Variants in PDSS2 observed in about 807,000 individuals in gnomAD.
The protein encoded by PDSS2 is decaprenyl diphosphate synthase subunit 2.
In PDSS2, 31 loss-of-function variants were observed where a neutral mutation model predicts 44.5. That is an observed-to-expected ratio of 0.70 (90% CI 0.52 to 0.94). PDSS2 has a LOEUF of 0.94. PDSS2 is among the 40% of genes least tolerant of loss of function. The probability of loss-of-function intolerance (pLI) is 0.00; values close to 1 mark genes in which losing one functional copy is unlikely to be tolerated. For missense variants in PDSS2, 452 were observed against 482.2 expected (o/e 0.94, Z 0.59); for synonymous variants, 157 against 180.3 (o/e 0.87, Z 1.03).
chr6:107,158,169 G>A (rs377108462), intron 7 of PDSS2, among the ~76,000 whole-genome samples: 40 of 147,912 alleles, frequency 2.7e-4, no homozygotes, highest in Non-Finnish European at 3.4e-4. Context: ...GTAGAGATCA[G>A]AAGCCAGGTT....
rs1562555803 is a variant in PDSS2, at chr6:107,458,426, A to AAAAAAAAAAAAAC, written c.296+563_296+564insGTTTTTTTTTTTT. Among the ~76,000 whole-genome samples the AAAAAAAAAAAAAC allele has an allele frequency of 2.8e-4, 39 of 140,488 alleles. 2 individuals carry two copies. Among genetic ancestry groups the AAAAAAAAAAAAAC allele is most frequent in the Non-Finnish European group, 4.7e-4 (30 of 63,374 alleles). 92.2% of individuals were successfully genotyped at this position (140,488 alleles called of 152,430 possible). On this transcript the variant is annotated intron_variant, in intron 1 of 7. Transcript: ENST00000369037. Reference sequence around the variant, plus strand: ...AGACTCCGTCTCAAAAAAAAAAAAAAAAAAAACTTTTATAAATCCTAAAGG... The same window carrying AAAAAAAAAAAAAC: ...AGACTCCGTCTCAAAAAAAAAAAAAAAAAAAAAAAAAACAAAAAACTTTTATAAATCCTAAAGG...
intron 7 of PDSS2, among the ~76,000 whole-genome samples, chr6:107,181,069 T>G (rs1771958220): frequency 6.6e-6 from 1 of 151,964 alleles, no homozygotes; most frequent in African/African-American, 2.4e-5. Context: ...GGGCTCGAAC[T>G]CCTGACCTCA....
intron 1 of PDSS2, among the ~76,000 whole-genome samples, chr6:107,419,906 C>A (rs903556047): frequency 1.1e-4 from 17 of 152,180 alleles, no homozygotes; most frequent in African/African-American, 4.1e-4. Flanking sequence ...GCAACTGTAA[C>A]TCTGCCACAT....
intron 6 of PDSS2, among the ~76,000 whole-genome samples, chr6:107,201,095 C>T (rs1024665603): frequency 6.6e-6 from 1 of 152,072 alleles, no homozygotes; most frequent in African/African-American, 2.4e-5. Context: ...CCCCAGAAGC[C>T]GCTGTAAATT....
At chr6:107,425,012 T>G (rs150683680) in intron 1 of PDSS2, among the ~76,000 whole-genome samples, 1 of 152,090 alleles carries the variant, frequency 6.6e-6, no homozygotes, top group African/African-American at 2.4e-5. Flanking sequence ...TCTCACGAGA[T>G]CTGATGGTTT....
chr6:107,155,653 C>G (rs1170160077), intron 7 of PDSS2, among the ~76,000 whole-genome samples: 1 of 149,510 alleles, frequency 6.7e-6, no homozygotes, highest in Non-Finnish European at 1.5e-5. Context: ...AATCTCTGCT[C>G]ACAGCAACCT....
At chr6:107,351,612 C>T (rs956921737) in intron 1 of PDSS2, among the ~76,000 whole-genome samples, 5 of 152,122 alleles carry the variant, frequency 3.3e-5, no homozygotes, top group Admixed American at 6.6e-5. Context: ...TAAGCACAAT[C>T]GCCACTATAT....
At chr6:107,333,185 C>G (rs1182944139) in intron 2 of PDSS2, among the ~76,000 whole-genome samples, 12 of 152,164 alleles carry the variant, frequency 7.9e-5, no homozygotes, top group Non-Finnish European at 1.8e-4. Context: ...AGGAAAATTT[C>G]TTTATCACCC....
chr6:107,454,704 A>G (rs1020781437), intron 1 of PDSS2, among the ~76,000 whole-genome samples: 1 of 151,930 alleles, frequency 6.6e-6, no homozygotes, highest in Admixed American at 6.6e-5. Flanking sequence ...GCTATTAGAC[A>G]TGATTCACCC....
chr6:107,295,093 A>T (rs1776470808), intron 2 of PDSS2, among the ~76,000 whole-genome samples: 4 of 152,080 alleles, frequency 2.6e-5, no homozygotes, highest in Admixed American at 2.6e-4. Flanking sequence ...CACCAAGCCC[A>T]GCTAATTTTT....
intron 1 of PDSS2, among the ~76,000 whole-genome samples, chr6:107,436,228 A>G (rs1781345398): frequency 6.6e-6 from 1 of 152,212 alleles, no homozygotes; most frequent in East Asian, 1.9e-4. Context: ...GAAAAGGGAG[A>G]CAAATCTTGG....
chr6:107,373,838 G>C (rs1779199981), intron 1 of PDSS2, among the ~76,000 whole-genome samples: 1 of 152,152 alleles, frequency 6.6e-6, no homozygotes, highest in Non-Finnish European at 1.5e-5. Flanking sequence ...AGAGGTTCTA[G>C]CATGGCCCTC....
intron 4 of PDSS2, among the ~76,000 whole-genome samples, chr6:107,237,029 G>A (rs1302079156): frequency 6.6e-6 from 1 of 151,818 alleles, no homozygotes; most frequent in Non-Finnish European, 1.5e-5. Context: ...AACCTCCTGG[G>A]CTTAAGCAAT....
intron 3 of PDSS2, among the ~76,000 whole-genome samples, chr6:107,246,547 A>G (rs1774621653): frequency 6.6e-6 from 1 of 152,132 alleles, no homozygotes; most frequent in Admixed American, 6.5e-5. Flanking sequence ...GAATTAAAGG[A>G]TTTTGTTTCA....
At chr6:107,202,002 T>C (rs1432209073) in intron 6 of PDSS2, among the ~76,000 whole-genome samples, 1 of 152,184 alleles carries the variant, frequency 6.6e-6, no homozygotes, top group African/African-American at 2.4e-5. Context: ...TACTTCAGCA[T>C]TTGTCCCTAA....
chr6:107,350,105 G>A (rs879631801), intron 1 of PDSS2, among the ~76,000 whole-genome samples: 4 of 152,102 alleles, frequency 2.6e-5, no homozygotes, highest in East Asian at 1.9e-4. Flanking sequence ...CATCTCAGGC[G>A]GGAAGATCAT....
intron 2 of PDSS2, among the ~76,000 whole-genome samples, chr6:107,325,652 C>T (rs956502676): frequency 1.3e-5 from 2 of 152,088 alleles, no homozygotes; most frequent in African/African-American, 4.8e-5. Context: ...GATAAAAGTT[C>T]AGGTCAGCCC....
chr6:107,237,678 G>A (rs1774271150), intron 4 of PDSS2, among the ~76,000 whole-genome samples: 1 of 148,176 alleles, frequency 6.7e-6, no homozygotes, highest in Non-Finnish European at 1.5e-5. Context: ...AGGCGGGCAG[G>A]TCACCTGAGG....
chr6:107,333,450 A>AT (rs1375183660), intron 2 of PDSS2, among the ~76,000 whole-genome samples: 1 of 152,168 alleles, frequency 6.6e-6, no homozygotes, highest in South Asian at 2.1e-4. Context: ...AGATGTAAAA[A>AT]TTTTTTAATC....
Sources: gnomAD v4.1 joint callset for allele counts (sites outside exome capture counted in the v4.1 genomes callset) on GRCh38, gnomAD v4.1.1 for gene constraint, MANE v1.5 for transcripts, NCBI Gene and HGNC (gene_info 2026-07-23, HGNC 2026-07-21) for gene names.